The following TSPAN18 variants were observed in gnomAD, a reference collection of about 807,000 sequenced individuals.
TSPAN18 encodes the protein tetraspanin-18.
In TSPAN18, 14 loss-of-function variants were observed where a neutral mutation model predicts 27.3. The ratio of observed to expected loss-of-function variants is 0.51; its 90% CI spans 0.34 to 0.80. TSPAN18 has a LOEUF of 0.80. Among genes scored for constraint, TSPAN18 ranks in the 30% least tolerant of loss-of-function variants. The pLI, the probability that TSPAN18 is intolerant of heterozygous loss-of-function variation, is 0.01. For missense variants in TSPAN18, 268 were observed against 323.9 expected, an observed-to-expected ratio of 0.83 and a Z score of 1.32; for synonymous variants, 143 against 136.5, an observed-to-expected ratio of 1.05 and a Z score of -0.33.
chr11:44,866,664 C>T (rs544792976), intron 3 of TSPAN18, among the ~76,000 whole-genome samples: 1 of 152,326 alleles, frequency 6.6e-6, no homozygotes, highest in East Asian at 1.9e-4. Flanking sequence ...GAGCTTGTAA[C>T]TTTTGGATCC....
intron 1 of TSPAN18, among the ~76,000 whole-genome samples, chr11:44,755,547 C>T (rs1049030802): frequency 3.3e-5 from 5 of 152,162 alleles, no homozygotes; most frequent in African/African-American, 1.2e-4. Flanking sequence ...GAGCTGGGGA[C>T]GCAGCCCCAA....
chr11:44,846,682 C>A (rs980558762), intron 2 of TSPAN18, among the ~76,000 whole-genome samples: 2 of 152,134 alleles, frequency 1.3e-5, no homozygotes, highest in Admixed American at 1.3e-4. Flanking sequence ...AGTGGAGTTG[C>A]ATTTATTATA....
chr11:44,792,490 G>A (rs1449929950), intron 2 of TSPAN18, among the ~76,000 whole-genome samples: 1 of 152,208 alleles, frequency 6.6e-6, no homozygotes, highest in Non-Finnish European at 1.5e-5. Context: ...CTGTCTTGCT[G>A]ACTGCCTGGC....
intron 8 of TSPAN18, among the ~76,000 whole-genome samples, chr11:44,923,529 C>T (rs1860226251): frequency 6.6e-6 from 1 of 151,866 alleles, no homozygotes; most frequent in Admixed American, 6.6e-5. Context: ...ACAGCCAGGG[C>T]CTGGCCCATA....
chr11:44,787,254 T>C (rs973129018), intron 2 of TSPAN18, among the ~76,000 whole-genome samples: 1 of 152,232 alleles, frequency 6.6e-6, no homozygotes, highest in African/African-American at 2.4e-5. Flanking sequence ...GTGATGTATG[T>C]ACTTTTAGGA....
chr11:44,811,918 G>A (rs887510528), intron 2 of TSPAN18, among the ~76,000 whole-genome samples: 23 of 152,218 alleles, frequency 1.5e-4, no homozygotes, highest in African/African-American at 5.3e-4. Flanking sequence ...CCCCCAGGGG[G>A]AGAACAGAAG....
At position 44,793,778 on chromosome 11, in the gene TSPAN18, C is replaced by CTCCCTTCCCA. The variant is rs1397114033; in HGVS notation, c.-153+29276_-153+29285dup. ...CTCCTGTTCTTTACCTTCCACTGCGCTCCCTTCCCATCCCTTCCCCAGCCA... is the reference window on the plus strand; with the variant it reads ...CTCCTGTTCTTTACCTTCCACTGCGCTCCCTTCCCATCCCTTCCCATCCCTTCCCCAGCCA... On this transcript the variant is annotated intron_variant, in intron 2 of 9. Transcript: ENST00000520358. 2.0e-5 allele frequency among the ~76,000 whole-genome samples: 3 copies of CTCCCTTCCCA among 152,350 alleles called. No homozygotes were observed. The East Asian group carries it at 5.8e-4, about 29-fold the overall frequency.
At chr11:44,738,371 C>T (rs1489509414) in intron 1 of TSPAN18, among the ~76,000 whole-genome samples, 2 of 152,154 alleles carry the variant, frequency 1.3e-5, no homozygotes, top group African/African-American at 2.4e-5. Flanking sequence ...GGAGCCCCCC[C>T]GGCTGGAGCC....
At chr11:44,868,758 G>A (rs1182405404) in intron 3 of TSPAN18, among the ~76,000 whole-genome samples, 1 of 152,214 alleles carries the variant, frequency 6.6e-6, no homozygotes, top group Non-Finnish European at 1.5e-5. Context: ...AACCGGAGAG[G>A]GGGAAGGTGG....
At chr11:44,773,616 T>C (rs906364033) in intron 2 of TSPAN18, among the ~76,000 whole-genome samples, 1 of 152,182 alleles carries the variant, frequency 6.6e-6, no homozygotes, top group South Asian at 2.1e-4. Context: ...GCCAGCTCCC[T>C]GGAAGGACGG....
chr11:44,779,504 A>G (rs1250345537), intron 2 of TSPAN18, among the ~76,000 whole-genome samples: 1 of 152,110 alleles, frequency 6.6e-6, no homozygotes, highest in Non-Finnish European at 1.5e-5. Flanking sequence ...AGCCTTTGAG[A>G]TTAGAGTTGT....
At chr11:44,759,878 C>T (rs1206523718) in intron 1 of TSPAN18, among the ~76,000 whole-genome samples, 2 of 152,102 alleles carry the variant, frequency 1.3e-5, no homozygotes, top group Non-Finnish European at 1.5e-5. Context: ...GATGTGAGCC[C>T]GGAGAACAAT....
intron 2 of TSPAN18, among the ~76,000 whole-genome samples, chr11:44,819,295 G>A (rs1254085613): frequency 6.6e-6 from 1 of 152,206 alleles, no homozygotes; most frequent in Non-Finnish European, 1.5e-5. Flanking sequence ...AGAGGAGCCG[G>A]TAATTATAGG....
Position 44,731,633 on chromosome 11 carries a change from T to TGTGAGAGAGAGA in TSPAN18, c.-240+4347_-240+4348insTGAGAGAGAGAG, listed in dbSNP as rs139154582. On this transcript the variant is annotated intron_variant, in intron 1 of 9. Coordinates refer to ENST00000520358, the MANE Select transcript of TSPAN18 (RefSeq NM_130783.5). Reference sequence around the variant, plus strand: ...GTGTGTGTGTGTGTGTGTGTGTGTGTGAGAGAGAGAGAGAGAGAGAGAAAA... The same window carrying TGTGAGAGAGAGA: ...GTGTGTGTGTGTGTGTGTGTGTGTGTGTGAGAGAGAGAGAGAGAGAGAGAGAGAGAGAGAAAA... 6.1e-4 allele frequency among the ~76,000 whole-genome samples: 65 copies of TGTGAGAGAGAGA among 107,424 alleles called. No homozygotes were observed. The Middle Eastern group carries it at 0.018, about 30-fold the overall frequency. 70.5% of individuals were successfully genotyped at this position (107,424 alleles called of 152,430 possible).
intron 2 of TSPAN18, among the ~76,000 whole-genome samples, chr11:44,815,005 A>G (rs1241341670): frequency 2.6e-5 from 4 of 152,224 alleles, no homozygotes; most frequent in African/African-American, 9.6e-5. Flanking sequence ...GAGAGCTGGC[A>G]GAAGAGCATT....
chr11:44,809,983 A>G (rs956970019), intron 2 of TSPAN18, among the ~76,000 whole-genome samples: 1 of 152,184 alleles, frequency 6.6e-6, no homozygotes, highest in African/African-American at 2.4e-5. Context: ...AATGATTACC[A>G]TAGGTCATAG....
chr11:44,749,632 C>CTTTTTTTTTTT (rs71894571), intron 1 of TSPAN18, among the ~76,000 whole-genome samples: 2 of 110,442 alleles, frequency 1.8e-5, no homozygotes, highest in African/African-American at 3.8e-5. Context: ...GTGGAACTTT[C>CTTTTTTTTTTT]TTTTTTTTTT....
intron 3 of TSPAN18, among the ~76,000 whole-genome samples, chr11:44,876,252 G>T (rs1050119520): frequency 3.9e-5 from 6 of 152,198 alleles, no homozygotes; most frequent in Non-Finnish European, 7.3e-5. Flanking sequence ...GTGGGTCAAT[G>T]CTGTCTCTGA....
chr11:44,793,042 G>A (rs1249336363), intron 2 of TSPAN18, among the ~76,000 whole-genome samples: 1 of 152,164 alleles, frequency 6.6e-6, no homozygotes, highest in Non-Finnish European at 1.5e-5. Flanking sequence ...GGGAAGGGAA[G>A]GGAGACAGTG....
Sources: allele counts gnomAD v4.1 joint callset (sites outside exome capture counted in the v4.1 genomes callset), GRCh38; gene constraint gnomAD v4.1.1; transcripts MANE v1.5; gene names NCBI Gene and HGNC (gene_info 2026-07-23, HGNC 2026-07-21).